Variants in SCARA5 observed in about 807,000 individuals in gnomAD.
The protein encoded by SCARA5 is scavenger receptor class A member 5.
Under a neutral mutation model 46.3 loss-of-function variants are expected in SCARA5, and 45 were observed. The observed-to-expected ratio is 0.97, with a 90% CI of 0.76 to 1.24. The LOEUF is 1.24. Ranked by LOEUF, SCARA5 falls within the 50% of genes most tolerant of loss-of-function variation. SCARA5 has a pLI of 0.00. For synonymous variants in SCARA5, 333 were observed against 306.5 expected, an observed-to-expected ratio of 1.09 and a Z score of -0.90; for missense variants, 680 against 689.0, an observed-to-expected ratio of 0.99 and a Z score of 0.15.
In SCARA5 at chr8:27,981,996, G is replaced by A. The variant is rs139758169; in HGVS notation, c.112+5508C>T. 4.8e-4 allele frequency among the ~76,000 whole-genome samples: 73 copies of A among 152,274 alleles called. No homozygotes were observed. The East Asian group carries it at 0.012, about 25-fold the overall frequency. ...GCCAAGTGAACCGGGGAGATCTGAC[G>A]GATATGAAGGTAGATGAGGAGGATA... On this transcript the variant is annotated intron_variant, in intron 2 of 8. Coordinates refer to ENST00000354914, the MANE Select transcript of SCARA5 (RefSeq NM_173833.6).
chr8:27,957,090 G>T (rs1387394631), intron 3 of SCARA5, among the ~76,000 whole-genome samples: 1 of 152,132 alleles, frequency 6.6e-6, no homozygotes, highest in Admixed American at 6.5e-5. Flanking sequence ...AGAGGCCGAG[G>T]CATGGACAGG....
At chr8:27,968,099 G>T (rs1322247034) in intron 2 of SCARA5, among the ~76,000 whole-genome samples, 1 of 152,098 alleles carries the variant, frequency 6.6e-6, no homozygotes, top group African/African-American at 2.4e-5. Context: ...TCGCCTCCCA[G>T]GTATCATTAC....
Position 27,921,798 on chromosome 8 carries a change from A to G in SCARA5, c.689T>C (p.Leu230Pro). The G allele has an allele frequency of 6.4e-7, 1 of 1,562,720 alleles. No individual in the cohort carries two copies. Among genetic ancestry groups the G allele is most frequent in the Non-Finnish European group, 8.6e-7 (1 of 1,158,998 alleles). Residue 230 changes from leucine to proline, a missense_variant, in exon 4 of 9, where the codon CTC (leucine) becomes CCC (proline). By Grantham distance (98) the Leu-to-Pro change is moderately conservative. This residue lies in a region of SCARA5 where 438 missense variants were observed against 384.5 expected (regional missense o/e 1.14). Coordinates refer to ENST00000354914, the MANE Select transcript of SCARA5 (RefSeq NM_173833.6). Reference protein sequence around the residue: ...LADVGGVLRGLNHSLSYDVAL... With the variant: ...LADVGGVLRGPNHSLSYDVAL... ...CACGTCGTAGGACAGGCTGTGGTTG[A>G]GGCCGCGCAGCACGCCGCCCACGTC...
chr8:27,950,500 C>T (rs183170984), intron 3 of SCARA5, among the ~76,000 whole-genome samples: 63 of 152,234 alleles, frequency 4.1e-4, no homozygotes, highest in African/African-American at 1.5e-3. Flanking sequence ...TGGCCAGCAC[C>T]GTGGTTTCCC....
At chr8:27,895,611 G>A (rs1424928376) in intron 7 of SCARA5, among the ~76,000 whole-genome samples, 1 of 152,214 alleles carries the variant, frequency 6.6e-6, no homozygotes, top group Non-Finnish European at 1.5e-5. Context: ...AGAAAGCTGA[G>A]ACTCAGAGAA....
intron 4 of SCARA5, among the ~76,000 whole-genome samples, chr8:27,919,232 G>T (rs1585489130): frequency 1.3e-5 from 1 of 75,252 alleles, no homozygotes; most frequent in South Asian, 5.8e-4. Context: ...AGGAGGAGGA[G>T]GAAGAGACGG....
At chr8:27,944,630 G>T (rs1808003649) in intron 3 of SCARA5, among the ~76,000 whole-genome samples, 1 of 151,972 alleles carries the variant, frequency 6.6e-6, no homozygotes, top group African/African-American at 2.4e-5. Context: ...GGGAGGCCAA[G>T]GTGGATGGAT....
At chr8:27,967,068 A>G (rs1808380929) in intron 2 of SCARA5, among the ~76,000 whole-genome samples, 2 of 152,194 alleles carry the variant, frequency 1.3e-5, no homozygotes, top group South Asian at 4.1e-4. Context: ...CCAGATCCAG[A>G]ATTTTCTACA....
At chr8:27,894,355 A>C (rs923828125) in intron 7 of SCARA5, among the ~76,000 whole-genome samples, 5 of 152,212 alleles carry the variant, frequency 3.3e-5, no homozygotes, top group African/African-American at 1.2e-4. Context: ...AATATTTAAT[A>C]ACAGCCCTCT....
intron 3 of SCARA5, among the ~76,000 whole-genome samples, chr8:27,939,877 C>T (rs75148807): frequency 0.017 from 2,573 of 152,274 alleles, 80 homozygotes; most frequent in African/African-American, 0.059. Flanking sequence ...ATTGGAGCCC[C>T]AGACTATCTG....
rs573508212 is a variant in SCARA5 at position 27,871,808 on chromosome 8, T to G, written c.*126A>C. On this transcript the variant is annotated 3_prime_UTR_variant, in exon 9 of 9. Coordinates refer to ENST00000354914, the MANE Select transcript of SCARA5 (RefSeq NM_173833.6). ...CCCCCACGGTCCTGGGATGCAGGTG[T>G]GAGGACTGAGAATGCTGGACGGGGT... is the stretch of plus-strand genomic sequence containing the variant. 2 of 1,545,884 alleles carry G rather than the reference T, an allele frequency of 1.3e-6. No homozygotes were observed. The highest frequency in any genetic ancestry group is 3.7e-5 in the Admixed American group (2 of 54,596).
At chr8:27,923,049 G>A (rs575555115) in intron 3 of SCARA5, among the ~76,000 whole-genome samples, 1 of 152,344 alleles carries the variant, frequency 6.6e-6, no homozygotes, top group East Asian at 1.9e-4. Context: ...TGTTATAGCA[G>A]CCTGAACAGA....
At chr8:27,926,523 C>T (rs149338678) in intron 3 of SCARA5, among the ~76,000 whole-genome samples, 2,068 of 152,206 alleles carry the variant, frequency 0.014, 20 homozygotes, top group Non-Finnish European at 0.021. Flanking sequence ...GTGCAGCAAA[C>T]CAACATGGCA....
At chr8:27,958,210 C>T (rs564964755) in intron 3 of SCARA5, among the ~76,000 whole-genome samples, 15 of 152,304 alleles carry the variant, frequency 9.8e-5, no homozygotes, top group East Asian at 3.9e-4. Flanking sequence ...AACTTCTACC[C>T]GGCTCAGGCG....
intron 3 of SCARA5, among the ~76,000 whole-genome samples, chr8:27,927,534 T>C (rs1168234352): frequency 6.6e-6 from 1 of 152,200 alleles, no homozygotes; most frequent in Non-Finnish European, 1.5e-5. Context: ...GTAATCATTT[T>C]ATAAGCATTT....
At chr8:27,961,496 A>G (rs527902237) in intron 3 of SCARA5, among the ~76,000 whole-genome samples, 1 of 152,348 alleles carries the variant, frequency 6.6e-6, no homozygotes, top group East Asian at 1.9e-4. Flanking sequence ...TGTTTTCTTT[A>G]TAAGTTATCC....
Position 27,871,995 on chromosome 8 carries a change from T to C in SCARA5, c.1427A>G (p.Lys476Arg), listed in dbSNP as rs750555764. ...EETIFRCSFS[K>R]WGVTNCGHAE... The stretch of plus-strand genomic sequence containing the variant: ...ATGTCCACAGTTTGTCACCCCCCAT[T>C]TGGAGAAGCTGCAGCGGAAGATGGT... The change falls in exon 9 of 9, where the codon AAA becomes AGA. Residue 476 changes from lysine (K) to arginine (R), a missense_variant. Around this residue, in one of 3 missense-constraint regions of SCARA5, gnomAD observed 219 missense variants for 269.5 expected, o/e 0.81. Coordinates refer to ENST00000354914, the MANE Select transcript of SCARA5 (RefSeq NM_173833.6). The C allele has an allele frequency of 6.2e-7, 1 of 1,614,212 alleles. No homozygotes were observed. The highest frequency in any genetic ancestry group is 8.5e-7 in the Non-Finnish European group (1 of 1,180,028).
chr8:27,907,087 A>T, intron 6 of SCARA5, 61 bp downstream of exon 6: 1 of 1,220,918 alleles, frequency 8.2e-7, no homozygotes, highest in South Asian at 1.4e-5. Flanking sequence ...CCCCCATGCC[A>T]ATGCCCATGT....
At chr8:27,891,811 G>A (rs888449983) in intron 7 of SCARA5, among the ~76,000 whole-genome samples, 2 of 152,030 alleles carry the variant, frequency 1.3e-5, no homozygotes, top group African/African-American at 2.4e-5. Context: ...TAAAATACCC[G>A]TCACCTCTGT....
Sources: gnomAD v4.1 joint callset for allele counts (sites outside exome capture counted in the v4.1 genomes callset) on GRCh38, gnomAD v4.1.1 for gene constraint, gnomAD v4.1.1 regional missense constraint, MANE v1.5 for transcripts, NCBI Gene and HGNC (gene_info 2026-07-23, HGNC 2026-07-21) for gene names.